The following SEMA6D variants were observed in gnomAD, a reference collection of about 807,000 sequenced individuals.
The protein encoded by SEMA6D is semaphorin-6D.
SEMA6D carries 35 observed loss-of-function variants against 106.6 expected under a neutral mutation model. That is an observed-to-expected ratio of 0.33 (90% CI 0.25 to 0.44). The LOEUF is 0.44. SEMA6D is among the 20% of genes least tolerant of loss of function. SEMA6D has a pLI of 1.00. For synonymous variants in SEMA6D, 499 were observed against 487.7 expected, an observed-to-expected ratio of 1.02 and a Z score of -0.31; for missense variants, 1,185 against 1,345.9, an observed-to-expected ratio of 0.88 and a Z score of 1.87.
intron 4 of SEMA6D, among the ~76,000 whole-genome samples, chr15:47,615,048 T>C (rs372667412): frequency 2.0e-4 from 31 of 152,324 alleles, no homozygotes; most frequent in African/African-American, 7.0e-4. Context: ...CCTGAAATGA[T>C]TGGAACTCAG....
intron 1 of SEMA6D, among the ~76,000 whole-genome samples, chr15:47,720,702 T>C (rs2079375299): frequency 6.6e-6 from 1 of 152,224 alleles, no homozygotes; most frequent in Non-Finnish European, 1.5e-5. Flanking sequence ...CCATAATTGC[T>C]AAAGACTTAT....
At chr15:47,649,196 A>G (rs185482761) in intron 4 of SEMA6D, among the ~76,000 whole-genome samples, 5 of 152,340 alleles carry the variant, frequency 3.3e-5, no homozygotes, top group African/African-American at 4.8e-5. Flanking sequence ...AGCATTGTGT[A>G]CAGGGCTTTA....
chr15:47,471,931 TCACACACACACACACACACACA>T (rs1168586101), intron 3 of SEMA6D, among the ~76,000 whole-genome samples: 1 of 121,436 alleles, frequency 8.2e-6, no homozygotes, highest in Non-Finnish European at 1.7e-5. Flanking sequence ...TCTCTCTCTC[TCACACACACACACACACACACA>T]CACACACACA....
intron 3 of SEMA6D, among the ~76,000 whole-genome samples, chr15:47,564,440 G>A (rs2046170833): frequency 6.6e-6 from 1 of 152,090 alleles, no homozygotes; most frequent in South Asian, 2.1e-4. Context: ...ATCTGCAATT[G>A]CAAATTCCAG....
chr15:47,471,927 TCTCTCA>T (rs1159477575), intron 3 of SEMA6D, among the ~76,000 whole-genome samples: 111 of 114,000 alleles, frequency 9.7e-4, no homozygotes, highest in African/African-American at 3.1e-3. Flanking sequence ...TCTCTCTCTC[TCTCTCA>T]CACACACACA....
At chr15:47,273,427 G>T (rs1236439464) in intron 1 of SEMA6D, among the ~76,000 whole-genome samples, 1 of 152,174 alleles carries the variant, frequency 6.6e-6, no homozygotes, top group African/African-American at 2.4e-5. Context: ...AATAGTCTCT[G>T]CTGTCCCTGT....
At chr15:47,433,929 T>C (rs2041618440) in intron 2 of SEMA6D, among the ~76,000 whole-genome samples, 1 of 152,106 alleles carries the variant, frequency 6.6e-6, no homozygotes, top group Non-Finnish European at 1.5e-5. Flanking sequence ...CATTTGAAAA[T>C]ATAAACTATG....
At chr15:47,195,081 T>A (rs1309158518) in intron 1 of SEMA6D, among the ~76,000 whole-genome samples, 1 of 152,188 alleles carries the variant, frequency 6.6e-6, no homozygotes, top group Admixed American at 6.5e-5. Flanking sequence ...TCCATACAAA[T>A]ATTCTTATCA....
At position 47,760,893 on chromosome 15, in the gene SEMA6D, A is replaced by G. The variant is rs945996459; in HGVS notation, c.222-85A>G. ...CCAGATGATCTCTAAAACACAATAA[A>G]GGCAGATCTGTAAAAATAAAAAAGG... On this transcript the variant is annotated intron_variant, in intron 3 of 18. Transcript: ENST00000536845. The G allele has an allele frequency of 1.4e-5, 17 of 1,209,832 alleles. No individual in the cohort carries two copies. The African/African-American group carries it at 2.3e-4, about 16-fold the overall frequency. The allele number at this position is 1,209,832 out of a possible 1,614,324, so 74.9% of individuals were successfully genotyped here.
chr15:47,398,599 T>C (rs2040295205), intron 1 of SEMA6D, among the ~76,000 whole-genome samples: 1 of 152,182 alleles, frequency 6.6e-6, no homozygotes, highest in South Asian at 2.1e-4. Context: ...CTGAGAATTT[T>C]AAAGGAAGGG....
At chr15:47,713,911 G>T (rs954859615), upstream of SEMA6D, among the ~76,000 whole-genome samples, 1 of 152,138 alleles carries the variant, frequency 6.6e-6, no homozygotes, top group Admixed American at 6.5e-5. Flanking sequence ...ATTCAATTCT[G>T]CAGGATTCCC....
intron 2 of SEMA6D, among the ~76,000 whole-genome samples, chr15:47,435,492 A>G (rs2041672140): frequency 6.6e-6 from 1 of 152,094 alleles, no homozygotes; most frequent in African/African-American, 2.4e-5. Context: ...GGCAAGTCTA[A>G]TGACATGTGG....
intron 1 of SEMA6D, among the ~76,000 whole-genome samples, chr15:47,230,682 C>G (rs1198476467): frequency 2.0e-5 from 3 of 151,984 alleles, no homozygotes; most frequent in East Asian, 1.9e-4. Context: ...CAACTGTCGG[C>G]CACACCTGAG....
chr15:47,242,159 A>G (rs2032951789), intron 1 of SEMA6D, among the ~76,000 whole-genome samples: 1 of 152,158 alleles, frequency 6.6e-6, no homozygotes, highest in African/African-American at 2.4e-5. Flanking sequence ...TAATGCCCTG[A>G]ATCAGGGGCT....
chr15:47,424,683 G>A (rs1031442468), intron 2 of SEMA6D, among the ~76,000 whole-genome samples: 1 of 152,116 alleles, frequency 6.6e-6, no homozygotes, highest in African/African-American at 2.4e-5. Flanking sequence ...TACTGATGTA[G>A]GTAGAATAAG....
intron 1 of SEMA6D, among the ~76,000 whole-genome samples, chr15:47,384,870 C>T (rs1157952657): frequency 1.5e-5 from 1 of 66,326 alleles, no homozygotes; most frequent in African/African-American, 5.5e-5. Flanking sequence ...TATGTTTCCT[C>T]TAGTCCTGGC....
At chr15:47,464,680 C>A (rs1184149905) in intron 2 of SEMA6D, among the ~76,000 whole-genome samples, 2 of 152,096 alleles carry the variant, frequency 1.3e-5, no homozygotes, top group African/African-American at 4.8e-5. Context: ...TATTTATAGT[C>A]CTCCATGTGC....
At chr15:47,490,474 T>A (rs2043438775) in intron 3 of SEMA6D, among the ~76,000 whole-genome samples, 1 of 151,960 alleles carries the variant, frequency 6.6e-6, no homozygotes, top group African/African-American at 2.4e-5. Context: ...TGAGACCCTG[T>A]CTCTACTAAA....
At chr15:47,326,958 T>C (rs562166862) in intron 1 of SEMA6D, among the ~76,000 whole-genome samples, 15 of 152,334 alleles carry the variant, frequency 9.8e-5, no homozygotes, top group African/African-American at 3.4e-4. Context: ...TCTAGGAGAC[T>C]GTCCTCATTA....
Sources: allele counts gnomAD v4.1 joint callset (sites outside exome capture counted in the v4.1 genomes callset), GRCh38; gene constraint gnomAD v4.1.1; transcripts MANE v1.5; gene names NCBI Gene and HGNC (gene_info 2026-07-23, HGNC 2026-07-21).